NPAS3: variants seen among roughly 807,000 people sequenced by gnomAD.
NPAS3 encodes neuronal PAS domain-containing protein 3.
NPAS3 carries 14 observed loss-of-function variants against 73.1 expected under a neutral mutation model. The ratio of observed to expected loss-of-function variants is 0.19; its 90% CI spans 0.13 to 0.30. The LOEUF is 0.30. NPAS3 is among the 10% of genes least tolerant of loss of function. NPAS3 has a pLI of 1.00. For missense variants in NPAS3, 1,096 were observed against 1,250.0 expected (o/e 0.88, Z 1.86); for synonymous variants, 620 against 541.5 (o/e 1.14, Z -2.01).
At chr14:33,501,656 C>T (rs750826016) in intron 4 of NPAS3, among the ~76,000 whole-genome samples, 3 of 148,884 alleles carry the variant, frequency 2.0e-5, no homozygotes, top group Non-Finnish European at 4.5e-5. Flanking sequence ...CCTTCAAAAA[C>T]GGCTCCTGTG....
intron 2 of NPAS3, among the ~76,000 whole-genome samples, chr14:33,167,309 C>T (rs1472425981): frequency 1.3e-5 from 2 of 152,136 alleles, no homozygotes; most frequent in African/African-American, 2.4e-5. Context: ...ACATTCAAAT[C>T]TCCTAGAGAG....
At chr14:33,699,485 G>C (rs928086309) in intron 6 of NPAS3, among the ~76,000 whole-genome samples, 2 of 152,134 alleles carry the variant, frequency 1.3e-5, no homozygotes, top group Non-Finnish European at 2.9e-5. Flanking sequence ...CAGCCTTGAA[G>C]ACAGAAAGGG....
At chr14:33,425,539 C>CT (rs1450511208) in intron 4 of NPAS3, among the ~76,000 whole-genome samples, 1 of 115,936 alleles carries the variant, frequency 8.6e-6, no homozygotes. Flanking sequence ...TTCCACTCCA[C>CT]CTTTTTTTTT....
At chr14:33,142,323 G>A (rs922007670) in intron 2 of NPAS3, among the ~76,000 whole-genome samples, 6 of 146,528 alleles carry the variant, frequency 4.1e-5, no homozygotes, top group Admixed American at 7.1e-5. Flanking sequence ...ACATTTTTTA[G>A]CCTTAACTGC....
intron 4 of NPAS3, among the ~76,000 whole-genome samples, chr14:33,373,772 T>C (rs1288025013): frequency 1.3e-5 from 2 of 152,136 alleles, no homozygotes; most frequent in African/African-American, 4.8e-5. Context: ...TTTATATTGC[T>C]TTTAGAACAT....
intron 6 of NPAS3, among the ~76,000 whole-genome samples, chr14:33,710,737 A>ACTCTAGT (rs1438455097): frequency 2.6e-5 from 4 of 152,232 alleles, no homozygotes; most frequent in Non-Finnish European, 4.4e-5. Context: ...ACATTCTGAG[A>ACTCTAGT]ACTAACTCTA....
intron 1 of NPAS3, among the ~76,000 whole-genome samples, chr14:32,983,740 T>A (rs2139417938): frequency 6.6e-6 from 1 of 152,152 alleles, no homozygotes; most frequent in African/African-American, 2.4e-5. Flanking sequence ...ATATATTTTT[T>A]AAATGGAGTC....
chr14:33,792,422 A>G (rs907002442), intron 9 of NPAS3, among the ~76,000 whole-genome samples: 1 of 152,180 alleles, frequency 6.6e-6, no homozygotes, highest in Non-Finnish European at 1.5e-5. Context: ...GGAGAATGGA[A>G]GAAAACCTTC....
chr14:33,523,144 A>G (rs1401494610), intron 4 of NPAS3, among the ~76,000 whole-genome samples: 1 of 152,106 alleles, frequency 6.6e-6, no homozygotes, highest in Non-Finnish European at 1.5e-5. Flanking sequence ...AACAAAAAGT[A>G]AGTTAAGGCA....
chr14:33,057,313 T>TA (rs372310266), intron 2 of NPAS3, among the ~76,000 whole-genome samples: 48 of 152,358 alleles, frequency 3.2e-4, no homozygotes, highest in African/African-American at 1.2e-3. Context: ...ATCATCATTT[T>TA]AAAAAATTCT....
chr14:33,442,752 A>C (rs1379471986), intron 4 of NPAS3, among the ~76,000 whole-genome samples: 1 of 152,256 alleles, frequency 6.6e-6, no homozygotes, highest in Non-Finnish European at 1.5e-5. Context: ...TATTTTATAA[A>C]TTATGCAGTC....
chr14:33,203,331 G>T (rs962631329), intron 2 of NPAS3, among the ~76,000 whole-genome samples: 2 of 152,076 alleles, frequency 1.3e-5, no homozygotes, highest in African/African-American at 2.4e-5. Flanking sequence ...TTTTATTTAT[G>T]TATTTTTGTT....
At chr14:33,130,393 T>C (rs764538358) in intron 2 of NPAS3, among the ~76,000 whole-genome samples, 1 of 152,142 alleles carries the variant, frequency 6.6e-6, no homozygotes, top group Non-Finnish European at 1.5e-5. Context: ...CGAATGAAGG[T>C]GAAGAGGAAT....
chr14:33,698,848 T>C (rs1394471090), intron 6 of NPAS3, among the ~76,000 whole-genome samples: 1 of 152,210 alleles, frequency 6.6e-6, no homozygotes, highest in Non-Finnish European at 1.5e-5. Context: ...AGGTAAACCA[T>C]GGGCCAAAAT....
chr14:33,124,903 G>T (rs1171378125), intron 2 of NPAS3, among the ~76,000 whole-genome samples: 2 of 152,094 alleles, frequency 1.3e-5, no homozygotes, highest in African/African-American at 4.8e-5. Context: ...TAGCTTTTAG[G>T]ATTCATGGCA....
At position 33,730,974 on chromosome 14, in the gene NPAS3, G is replaced by A. The variant is rs552142541; in HGVS notation, c.734-4240G>A. On this transcript the variant is annotated intron_variant, in intron 6 of 11. Coordinates refer to ENST00000356141, the Ensembl canonical transcript of NPAS3. ...TTAACTTCATGTCTTAACAACCTAT[G>A]GCAACTCCACTTCTCCTTTAAAAGG... Among the ~76,000 whole-genome samples, 10 of 152,236 alleles carry A rather than the reference G, an allele frequency of 6.6e-5. No individual in the cohort carries two copies. In the South Asian group the frequency reaches 2.1e-3, roughly 32 times the overall value.
At chr14:33,369,840 T>A (rs1594783499) in intron 4 of NPAS3, among the ~76,000 whole-genome samples, 1 of 152,268 alleles carries the variant, frequency 6.6e-6, no homozygotes, top group Non-Finnish European at 1.5e-5. Context: ...GCAGGGAAAC[T>A]TTTGAGCCCA....
At chr14:33,174,251 CT>C (rs2045505701) in intron 2 of NPAS3, among the ~76,000 whole-genome samples, 1 of 152,152 alleles carries the variant, frequency 6.6e-6, no homozygotes, top group South Asian at 2.1e-4. Context: ...CAGCATGCCC[CT>C]AACCAAAAGA....
At chr14:33,371,144 A>T (rs1408998714) in intron 4 of NPAS3, among the ~76,000 whole-genome samples, 3 of 152,198 alleles carry the variant, frequency 2.0e-5, no homozygotes, top group Non-Finnish European at 4.4e-5. Context: ...AGAAAAAGCA[A>T]GCCACAGGAT....
Sources: allele counts gnomAD v4.1 joint callset (sites outside exome capture counted in the v4.1 genomes callset), GRCh38; gene constraint gnomAD v4.1.1; transcripts MANE v1.5; gene names NCBI Gene and HGNC (gene_info 2026-07-23, HGNC 2026-07-21).